The following SAPCD2 variants were observed in gnomAD, a reference collection of about 807,000 sequenced individuals.
SAPCD2 encodes suppressor APC domain-containing protein 2.
A neutral mutation model predicts 37.8 loss-of-function variants in SAPCD2; 34 were observed. That is an observed-to-expected ratio of 0.90 (90% CI 0.68 to 1.20). SAPCD2 has a LOEUF of 1.20. Among genes scored for constraint, SAPCD2 ranks in the 50% most tolerant of loss-of-function variants. SAPCD2 has a pLI of 0.00. For synonymous variants in SAPCD2, 275 were observed against 270.3 expected (o/e 1.02, Z -0.17); for missense variants, 572 against 584.7 (o/e 0.98, Z 0.22).
rs1452961063 is a variant in SAPCD2 at position 137,064,004 on chromosome 9, G to A, written c.*655C>T. On this transcript the variant is annotated 3_prime_UTR_variant, in exon 6 of 6. Transcript: ENST00000409687. Reference sequence around the variant, plus strand: ...AAGGCCATCACCCCAGGGTCTGTGGGAGGCACATGCAGGCCAAGCTCTCGC... The same window carrying A: ...AAGGCCATCACCCCAGGGTCTGTGGAAGGCACATGCAGGCCAAGCTCTCGC... 6.2e-6 allele frequency: 1 copy of A among 160,064 alleles called. No individual in the cohort carries two copies. The highest frequency in any genetic ancestry group is 1.9e-4 in the East Asian group (1 of 5,234). 9.9% of individuals were successfully genotyped at this position (160,064 alleles called of 1,614,324 possible). A position where few individuals can be genotyped will look rare whatever the true frequency, so the allele number is the denominator to read the frequency against.
intron 2 of SAPCD2, 77 bp from the exon 3 acceptor site, chr9:137,065,745 T>TG (rs1184980324): frequency 1.1e-5 from 17 of 1,503,374 alleles, no homozygotes; most frequent in Non-Finnish European, 1.4e-5. Context: ...AGCTCACCTG[T>TG]GGGTGGGCAC....
At position 137,064,245 on chromosome 9, in the gene SAPCD2, C is replaced by T. The variant is rs1417389042; in HGVS notation, c.*414G>A. 5 of 234,162 alleles carry T rather than the reference C, an allele frequency of 2.1e-5. No individual in the cohort carries two copies. The highest frequency in any genetic ancestry group is 3.4e-5 in the Non-Finnish European group (4 of 116,182). 14.5% of individuals were successfully genotyped at this position (234,162 alleles called of 1,614,324 possible). A position where few individuals can be genotyped will look rare whatever the true frequency, so the allele number is the denominator to read the frequency against. ...GCTGCCCTTGGACCCGCGTCGGAGCCGCCCCGCGCCCTCTGCTGCCCGTTG... is the reference window on the plus strand; with the variant it reads ...GCTGCCCTTGGACCCGCGTCGGAGCTGCCCCGCGCCCTCTGCTGCCCGTTG... On this transcript the variant is annotated 3_prime_UTR_variant, in exon 6 of 6. Transcript: ENST00000409687.
At position 137,064,986 on chromosome 9, in the gene SAPCD2, G is replaced by C; in HGVS notation, c.940-7C>G. 6.6e-7 allele frequency: 1 copy of C among 1,505,156 alleles called. No homozygotes were observed. Among genetic ancestry groups the C allele is most frequent in the South Asian group, 1.2e-5 (1 of 82,706 alleles). 93.2% of individuals were successfully genotyped at this position (1,505,156 alleles called of 1,614,324 possible). A position where few individuals can be genotyped will look rare whatever the true frequency, so the allele number is the denominator to read the frequency against. ...AGGAGGACGGGGGCAGGGCCTGCGGGAGGGCAGGATTAGGCAGGCCTGGAC... is the reference window on the plus strand; with the variant it reads ...AGGAGGACGGGGGCAGGGCCTGCGGCAGGGCAGGATTAGGCAGGCCTGGAC... On this transcript the variant is annotated splice_polypyrimidine_tract_variant and splice_region_variant and intron_variant, in intron 4 of 5. Coordinates refer to ENST00000409687, the MANE Select transcript of SAPCD2 (RefSeq NM_178448.4).
In SAPCD2 at chr9:137,065,109, C is replaced by T. The variant is rs1179756145; in HGVS notation, c.908G>A (p.Gly303Glu). The T allele has an allele frequency of 5.2e-6, 8 of 1,543,338 alleles. No homozygotes were observed. The East Asian group carries it at 1.7e-4, about 32-fold the overall frequency. Residue 303 changes from glycine (G) to glutamate (E), a missense_variant, in exon 4 of 6, where the codon GGG (glycine) becomes GAG (glutamate). Gly to Glu is a moderately conservative substitution (Grantham distance 98). Transcript: ENST00000409687. ...PKVQEVARCL[G>E]ELLAAACASR... The stretch of plus-strand genomic sequence containing the variant: ...GGCACAGGCTGCAGCCAGCAGCTCC[C>T]CCAGGCACCGGGCCACCTCTTGTAC...
rs766833293 is a variant in SAPCD2, at chr9:137,070,352, C to T, written c.109G>A (p.Asp37Asn). The T allele has an allele frequency of 3.5e-5, 52 of 1,468,808 alleles. 2 individuals are homozygous for T. The South Asian group carries it at 6.5e-4, about 18-fold the overall frequency. The allele number at this position is 1,468,808 out of a possible 1,614,324, so 91.0% of individuals were successfully genotyped here. A position where few individuals can be genotyped will look rare whatever the true frequency, so the allele number is the denominator to read the frequency against. The part of the protein sequence containing the change: ...AFLQSLRTLF[D>N]ILDDRRRGCV... ...CCGCGCCGCCGGTCGTCCAGGATGT[C>T]GAACAGGGTGCGCAGGCTCTGCAGG... Residue 37 changes from aspartate to asparagine, a missense_variant, in exon 1 of 6, where the codon GAC (aspartate) becomes AAC (asparagine). Coordinates refer to ENST00000409687, the MANE Select transcript of SAPCD2 (RefSeq NM_178448.4).
At chr9:137,065,428 T>C (rs1832529401) in intron 3 of SAPCD2, 94 bp downstream of exon 3, 2 of 1,406,050 alleles carry the variant, frequency 1.4e-6, no homozygotes, top group Non-Finnish European at 1.9e-6. Flanking sequence ...AGCCACTGTG[T>C]CCGGGAATAG....
chr9:137,064,465 GC>G lies in SAPCD2; in HGVS notation c.*193del, dbSNP rs930286946. 66 of 638,706 alleles carry G rather than the reference GC, an allele frequency of 1.0e-4. No individual in the cohort carries two copies. The highest frequency in any genetic ancestry group is 1.4e-4 in the Non-Finnish European group (52 of 372,760). 39.6% of individuals were successfully genotyped at this position (638,706 alleles called of 1,614,324 possible). On this transcript the variant is annotated 3_prime_UTR_variant, in exon 6 of 6. Transcript: ENST00000409687. ...GCACCAGGAGCCAAAACGGAGTCAA[GC>G]GCTCGGTGCGGGGACCAGCCGGGGG...
Position 137,066,377 on chromosome 9 carries a change from G to A in SAPCD2, c.572-3C>T. ...CAGGGCCCTGCACGCCACTGCACCT[G>A]TTATGGAGAGGCATGGGCCTGGCTC... On this transcript the variant is annotated splice_region_variant and splice_polypyrimidine_tract_variant and intron_variant, in intron 1 of 5. Coordinates refer to ENST00000409687, the MANE Select transcript of SAPCD2 (RefSeq NM_178448.4). 1.9e-6 allele frequency: 3 copies of A among 1,587,970 alleles called. No individual in the cohort carries two copies. The highest frequency in any genetic ancestry group is 2.6e-6 in the Non-Finnish European group (3 of 1,165,814).
At chr9:137,065,785 G>C in intron 2 of SAPCD2, 117 bp from the exon 3 acceptor site, 1 of 1,300,946 alleles carries the variant, frequency 7.7e-7, no homozygotes, top group Non-Finnish European at 1.1e-6. Flanking sequence ...GCAGCAGCAC[G>C]TGTACACGTT....
chr9:137,065,424 T>C (rs1227155371), intron 3 of SAPCD2, 98 bp downstream of exon 3: 3 of 1,389,452 alleles, frequency 2.2e-6, no homozygotes, highest in Admixed American at 2.6e-5. Flanking sequence ...CGACAGCCAC[T>C]GTGTCCGGGA....
At chr9:137,064,836 C>T in intron 5 of SAPCD2, 27 bp downstream of exon 5, 4 of 1,576,396 alleles carry the variant, frequency 2.5e-6, no homozygotes, top group Non-Finnish European at 2.6e-6. Context: ...CACCCCCACC[C>T]CTGCACCCCT....
At chr9:137,069,780 C>A (rs916752286) in intron 1 of SAPCD2, 110 bp downstream of exon 1, 59 of 794,632 alleles carry the variant, frequency 7.4e-5, no homozygotes, top group Non-Finnish European at 9.6e-5. Flanking sequence ...AAGAGCCGCT[C>A]CCCGGTCCCG....
In SAPCD2 at chr9:137,066,337, C is replaced by A. The variant is rs570344101; in HGVS notation, c.609G>T (p.Gly203=). 1.2e-5 allele frequency: 19 copies of A among 1,609,698 alleles called. No individual in the cohort carries two copies. The African/African-American group carries it at 2.4e-4, about 20-fold the overall frequency. Residue 203 remains glycine, a synonymous_variant, in exon 2 of 6, where the codon GGG becomes GGT. Transcript: ENST00000409687. ...VACRALEADS[G]DARRAPRARG... is the part of the protein sequence containing the mutation. ...GGGCACGGGGAGCCCGCCGGGCATCCCCTGAGTCCGCCTCCAGGGCCCTGC... is the reference window on the plus strand; with the variant it reads ...GGGCACGGGGAGCCCGCCGGGCATCACCTGAGTCCGCCTCCAGGGCCCTGC...
chr9:137,070,147 G>A lies in SAPCD2; in HGVS notation c.314C>T (p.Pro105Leu). 3.3e-6 allele frequency: 4 copies of A among 1,204,478 alleles called. No individual in the cohort carries two copies. In the South Asian group the frequency reaches 1.2e-4, roughly 36 times the overall value. The allele number at this position is 1,204,478 out of a possible 1,614,324, so 74.6% of individuals were successfully genotyped here. A position where few individuals can be genotyped will look rare whatever the true frequency, so the allele number is the denominator to read the frequency against. Residue 105 changes from proline (P) to leucine (L), a missense_variant, in exon 1 of 6, where the codon CCC (proline) becomes CTC (leucine). Physicochemically the swap from Pro to Leu is moderately conservative, Grantham distance 98. Transcript: ENST00000409687. ...LLSADGGPRD[P>L]TRAPARPGDQ... ...CCCGGGCCGGGCCGGGGCGCGCGTG[G>A]GGTCCCGGGGGCCGCCGTCGGCGCT...
At position 137,064,859 on chromosome 9, in the gene SAPCD2, C is replaced by T; in HGVS notation, c.1056+4G>A. On this transcript the variant is annotated splice_donor_region_variant and intron_variant, in intron 5 of 5. Coordinates refer to ENST00000409687, the MANE Select transcript of SAPCD2 (RefSeq NM_178448.4). ...CCCCTGCACCCCTCCCGCGCCTGCC[C>T]TACCTGGGTGAGGAGTCGGTTCTGC... 6.4e-7 allele frequency: 1 copy of T among 1,567,066 alleles called. No individual in the cohort carries two copies. The highest frequency in any genetic ancestry group is 8.6e-7 in the Non-Finnish European group (1 of 1,156,262).
At position 137,070,264 on chromosome 9, in the gene SAPCD2, CG is replaced by C. The variant is rs1564262744; in HGVS notation, c.196del (p.Arg66AlafsTer17). The stretch of plus-strand genomic sequence containing the variant: ...CTGGCGCAAGCCCTCCAGCACCCCG[CG>C]GGGCAGCTCCCGCGCGTCGGTGCCC... The part of the protein sequence containing the change: ...WQGTDARELP[R>X]GVLEGLRQVA... On this transcript the variant is annotated frameshift_variant, in exon 1 of 6. Transcript: ENST00000409687. LOFTEE classifies it high-confidence loss of function. 6.9e-7 allele frequency: 1 copy of C among 1,449,610 alleles called. No individual in the cohort carries two copies. The allele number at this position is 1,449,610 out of a possible 1,614,324, so 89.8% of individuals were successfully genotyped here. A position where few individuals can be genotyped will look rare whatever the true frequency, so the allele number is the denominator to read the frequency against.
intron 1 of SAPCD2, among the ~76,000 whole-genome samples, chr9:137,067,233 C>T (rs1468332768): frequency 2.6e-5 from 4 of 151,598 alleles, no homozygotes; most frequent in Non-Finnish European, 4.4e-5. Context: ...AGGTGATCCA[C>T]CCACCTCAGC....
intron 1 of SAPCD2, among the ~76,000 whole-genome samples, chr9:137,067,820 C>A (rs1336610395): frequency 1.4e-5 from 2 of 144,988 alleles, no homozygotes; most frequent in African/African-American, 5.0e-5. Flanking sequence ...GTGTGTGATA[C>A]GCCAGGCGGT....
At position 137,070,260 on chromosome 9, in the gene SAPCD2, C is replaced by T. The variant is rs778625388; in HGVS notation, c.201G>A (p.Gly67=). 1.8e-5 allele frequency: 26 copies of T among 1,446,226 alleles called. No homozygotes were observed. Among genetic ancestry groups the T allele is most frequent in the Admixed American group, 9.5e-5 (4 of 42,126 alleles). The allele number at this position is 1,446,226 out of a possible 1,614,324, so 89.6% of individuals were successfully genotyped here. A position where few individuals can be genotyped will look rare whatever the true frequency, so the allele number is the denominator to read the frequency against. Residue 67 remains glycine, a synonymous_variant, in exon 1 of 6, where the codon GGG becomes GGA. Coordinates refer to ENST00000409687, the MANE Select transcript of SAPCD2 (RefSeq NM_178448.4). ...QGTDARELPR[G]VLEGLRQVAP... is the part of the protein sequence containing the mutation. ...CCACCTGGCGCAAGCCCTCCAGCAC[C>T]CCGCGGGGCAGCTCCCGCGCGTCGG... is the stretch of plus-strand genomic sequence containing the variant.
Sources: gnomAD v4.1 joint callset for allele counts (sites outside exome capture counted in the v4.1 genomes callset) on GRCh38, gnomAD v4.1.1 for gene constraint, MANE v1.5 for transcripts, NCBI Gene and HGNC (gene_info 2026-07-23, HGNC 2026-07-21) for gene names.